Variants in SERPINB11 observed in about 807,000 individuals in gnomAD.
SERPINB11 encodes serpin family B member 11.
SERPINB11 carries 32 observed loss-of-function variants against 36.7 expected under a neutral mutation model. The ratio of observed to expected loss-of-function variants is 0.87; its 90% CI spans 0.66 to 1.17. SERPINB11 has a LOEUF of 1.17. Among genes scored for constraint, SERPINB11 ranks in the 50% most tolerant of loss-of-function variants. SERPINB11 has a pLI of 0.00. For missense variants in SERPINB11, 528 were observed against 458.4 expected (o/e 1.15, Z -1.39); for synonymous variants, 174 against 168.1 (o/e 1.04, Z -0.27).
rs1914285375 is a variant in SERPINB11, at chr18:63,703,233, T to C, written c.-16+227T>C. On this transcript the variant is annotated intron_variant, in intron 1 of 7. Transcript: ENST00000544088. The stretch of plus-strand genomic sequence containing the variant: ...TAAAAATCTTTGAGGCAGGCTGACT[T>C]GATTTCAGATCTTTGTTTAGTAAAA... Among the ~76,000 whole-genome samples the C allele has an allele frequency of 2.0e-5, 3 of 152,212 alleles. No homozygotes were observed. The South Asian group carries it at 6.2e-4, about 32-fold the overall frequency.
At chr18:63,716,205 C>A in intron 5 of SERPINB11, 53 bp downstream of exon 5, 1 of 1,147,688 alleles carries the variant, frequency 8.7e-7, no homozygotes, top group Non-Finnish European at 1.3e-6. Context: ...TGATAAGCAA[C>A]CTGAGTCCAC....
chr18:63,713,483 C>T (rs1201833589), intron 4 of SERPINB11, among the ~76,000 whole-genome samples: 3 of 152,122 alleles, frequency 2.0e-5, no homozygotes, highest in Non-Finnish European at 2.9e-5. Flanking sequence ...TTTTGTTTGA[C>T]CAGGGTTATT....
intron 1 of SERPINB11, among the ~76,000 whole-genome samples, chr18:63,704,267 A>G (rs1462544241): frequency 6.6e-6 from 1 of 152,244 alleles, no homozygotes; most frequent in African/African-American, 2.4e-5. Context: ...CCAACATATT[A>G]AATGAACCAA....
intron 4 of SERPINB11, among the ~76,000 whole-genome samples, chr18:63,713,826 G>T (rs1365719780): frequency 6.6e-6 from 1 of 152,190 alleles, no homozygotes; most frequent in Non-Finnish European, 1.5e-5. Flanking sequence ...TGATCATGAT[G>T]ACATCTGTTC....
At position 63,714,038 on chromosome 18, in the gene SERPINB11, G is replaced by A. The variant is rs546499109; in HGVS notation, c.357+1345G>A. Among the ~76,000 whole-genome samples, 24 of 152,194 alleles carry A rather than the reference G, an allele frequency of 1.6e-4. No homozygotes were observed. The South Asian group carries it at 5.0e-3, about 32-fold the overall frequency. On this transcript the variant is annotated intron_variant, in intron 4 of 7. Coordinates refer to ENST00000544088, the MANE Select transcript of SERPINB11 (RefSeq NM_001370475.1). ...GCCCAGATTTTGCTCATAGTATATT[G>A]GGGGAACCCGCCCTGATAATTCAAT...
intron 5 of SERPINB11, among the ~76,000 whole-genome samples, chr18:63,717,609 GTTGAACAAT>G (rs1914701333): frequency 6.6e-6 from 1 of 151,742 alleles, no homozygotes; most frequent in Non-Finnish European, 1.5e-5. Context: ...GAATTATATG[GTTGAACAAT>G]TTTTCATATG....
Position 63,711,365 on chromosome 18 carries a change from T to C in SERPINB11, c.199T>C (p.Leu67=). The change falls in exon 3 of 8, where the codon TTA becomes CTA. Residue 67 remains leucine (L), a synonymous_variant. Coordinates refer to ENST00000544088, the MANE Select transcript of SERPINB11 (RefSeq NM_001370475.1). ...VLHFSHTVDS[L]KPGFKDSPKC... is the part of the protein sequence containing the mutation. ...TCATTTTAGTCATACTGTAGACTCA[T>C]TAAAACCAGGGTTCAAGGACTCACC... The C allele has an allele frequency of 1.2e-6, 2 of 1,611,406 alleles. No individual in the cohort carries two copies. The highest frequency in any genetic ancestry group is 1.7e-6 in the Non-Finnish European group (2 of 1,178,066).
intron 5 of SERPINB11, among the ~76,000 whole-genome samples, chr18:63,717,866 G>A (rs1307917551): frequency 6.6e-6 from 1 of 151,944 alleles, no homozygotes; most frequent in Non-Finnish European, 1.5e-5. Flanking sequence ...TTTATAGTTA[G>A]TGTCTTTGCA....
chr18:63,713,715 A>G lies in SERPINB11; in HGVS notation c.357+1022A>G, dbSNP rs199760879. Among the ~76,000 whole-genome samples, 10 of 152,260 alleles carry G rather than the reference A, an allele frequency of 6.6e-5. No homozygotes were observed. In the East Asian group the frequency reaches 1.9e-3, roughly 29 times the overall value. On this transcript the variant is annotated intron_variant, in intron 4 of 7. Coordinates refer to ENST00000544088, the MANE Select transcript of SERPINB11 (RefSeq NM_001370475.1). ...ATGGAGAGTGTCTAGAGTGGCAGGG[A>G]TTAACAATCACGGTCCTTTGAGCTG...
chr18:63,714,328 G>T (rs888181266), intron 4 of SERPINB11, among the ~76,000 whole-genome samples: 7 of 152,090 alleles, frequency 4.6e-5, no homozygotes, highest in Non-Finnish European at 7.4e-5. Flanking sequence ...GCAGAGCATC[G>T]GGGCAAAATT....
chr18:63,717,162 TAGG>T (rs1013649391), intron 5 of SERPINB11, among the ~76,000 whole-genome samples: 1 of 152,118 alleles, frequency 6.6e-6, no homozygotes, highest in African/African-American at 2.4e-5. Flanking sequence ...GGGTTTTTTT[TAGG>T]TCAATAATTT....
intron 4 of SERPINB11, among the ~76,000 whole-genome samples, chr18:63,713,358 G>A (rs1914578806): frequency 6.6e-6 from 1 of 152,162 alleles, no homozygotes; most frequent in South Asian, 2.1e-4. Context: ...GAAAAGTCAG[G>A]CTGATAAGGG....
At chr18:63,711,654 G>A (rs989198400) in intron 3 of SERPINB11, among the ~76,000 whole-genome samples, 3 of 151,914 alleles carry the variant, frequency 2.0e-5, no homozygotes, top group Non-Finnish European at 4.4e-5. Flanking sequence ...CTTTATGGAC[G>A]GTGCCCTGTG....
At chr18:63,720,577 C>A in intron 6 of SERPINB11, 1 of 402,424 alleles carries the variant, frequency 2.5e-6, no homozygotes. Flanking sequence ...GCTAAAAATC[C>A]TGACTTTGTT....
intron 5 of SERPINB11, 58 bp from the exon 6 acceptor site, chr18:63,719,955 C>T (rs979171696): frequency 5.0e-6 from 7 of 1,400,778 alleles, no homozygotes; most frequent in Non-Finnish European, 6.8e-6. Context: ...CATGACTCTT[C>T]ACCTCTCTAT....
chr18:63,713,071 G>A (rs1288264300), intron 4 of SERPINB11, among the ~76,000 whole-genome samples: 2 of 152,208 alleles, frequency 1.3e-5, no homozygotes, highest in South Asian at 2.1e-4. Context: ...TGAGCCAAGA[G>A]ACAGGAGTTC....
At position 63,712,568 on chromosome 18, in the gene SERPINB11, A is replaced by G; in HGVS notation, c.232A>G (p.Ser78Gly). ...KPGFKDSPKC[S>G]QAGRIHSEFG... The stretch of plus-strand genomic sequence containing the variant: ...TCTTTGTTTACTGATGCTTCAGTGC[A>G]GCCAAGCTGGAAGAATTCATTCCGA... The change falls in exon 4 of 8, where the codon AGC becomes GGC. Residue 78 changes from serine to glycine, a missense_variant. By Grantham distance (56) the Ser-to-Gly change is moderately conservative. Coordinates refer to ENST00000544088, the MANE Select transcript of SERPINB11 (RefSeq NM_001370475.1). 6.2e-7 allele frequency: 1 copy of G among 1,613,750 alleles called. No homozygotes were observed.
chr18:63,720,658 A>T lies in SERPINB11; in HGVS notation c.619-173A>T. 5.5e-6 allele frequency: 3 copies of T among 545,802 alleles called. No individual in the cohort carries two copies. In the South Asian group the frequency reaches 8.6e-5, roughly 16 times the overall value. 33.8% of individuals were successfully genotyped at this position (545,802 alleles called of 1,614,324 possible). A position where few individuals can be genotyped will look rare whatever the true frequency, so the allele number is the denominator to read the frequency against. ...CTCTAACCATGACTTATTTTAAATT[A>T]AAAAAATGGATAACCTTTGCAAAGG... On this transcript the variant is annotated intron_variant, in intron 6 of 7. Transcript: ENST00000544088.
intron 4 of SERPINB11, among the ~76,000 whole-genome samples, chr18:63,715,633 G>A (rs1037547547): frequency 1.3e-5 from 2 of 152,124 alleles, no homozygotes; most frequent in Non-Finnish European, 2.9e-5. Flanking sequence ...CCTCAGAAAA[G>A]CAAGTCACTT....
Sources: allele counts gnomAD v4.1 joint callset (sites outside exome capture counted in the v4.1 genomes callset), GRCh38; gene constraint gnomAD v4.1.1; transcripts MANE v1.5; gene names NCBI Gene and HGNC (gene_info 2026-07-23, HGNC 2026-07-21).